DDAH1: variants seen among roughly 807,000 people sequenced by gnomAD.
DDAH1 encodes dimethylarginine dimethylaminohydrolase 1.
In DDAH1, 19 loss-of-function variants were observed where a neutral mutation model predicts 28.8. The ratio of observed to expected loss-of-function variants is 0.66; its 90% CI spans 0.46 to 0.97. The LOEUF (loss-of-function observed/expected upper bound fraction) is 0.97. Ranked by LOEUF, DDAH1 falls within the 50% of genes least tolerant of loss-of-function variation. The probability of loss-of-function intolerance (pLI) is 0.00; values close to 1 mark genes in which losing one functional copy is unlikely to be tolerated. For synonymous variants in DDAH1, 153 were observed against 154.4 expected (o/e 0.99, Z 0.07); for missense variants, 326 against 375.9 (o/e 0.87, Z 1.10).
intron 1 of DDAH1, among the ~76,000 whole-genome samples, chr1:85,560,441 T>C (rs1659105499): frequency 6.6e-6 from 1 of 152,082 alleles, no homozygotes; most frequent in Non-Finnish European, 1.5e-5. Context: ...CTTTAAAAGA[T>C]AATTGAAGCA....
At chr1:85,383,741 G>A (rs190814527) in intron 1 of DDAH1, among the ~76,000 whole-genome samples, 1 of 152,216 alleles carries the variant, frequency 6.6e-6, no homozygotes, top group East Asian at 1.9e-4. Context: ...CTGATAGGTC[G>A]GCAGCCATCG....
At chr1:85,454,546 C>T (rs111307893) in intron 1 of DDAH1, among the ~76,000 whole-genome samples, 2 of 152,072 alleles carry the variant, frequency 1.3e-5, no homozygotes. Flanking sequence ...GGGATGCGGT[C>T]GATTTTTCAC....
chr1:85,381,352 T>TTTTC (rs61042709), intron 1 of DDAH1, among the ~76,000 whole-genome samples: 142,803 of 151,868 alleles, frequency 0.94, 67,244 homozygotes, highest in East Asian at 1. Flanking sequence ...GCATTGTTTC[T>TTTTC]TTTATTTCAA....
chr1:85,383,489 T>C (rs953799347), intron 1 of DDAH1, among the ~76,000 whole-genome samples: 1 of 152,202 alleles, frequency 6.6e-6, no homozygotes, highest in Non-Finnish European at 1.5e-5. Context: ...TGTGAAACAT[T>C]GTTGAAATGA....
At chr1:85,495,717 T>A (rs530819608) in intron 2 of DDAH1, 1 of 152,310 alleles carries the variant, frequency 6.6e-6, no homozygotes, top group South Asian at 2.1e-4. Context: ...GAGGTCTTCA[T>A]CAGATAAACA....
At chr1:85,408,542 T>TAA (rs1469981456) in intron 1 of DDAH1, among the ~76,000 whole-genome samples, 1 of 152,212 alleles carries the variant, frequency 6.6e-6, no homozygotes, top group East Asian at 1.9e-4. Flanking sequence ...GGAAATCTTT[T>TAA]CATACCTGTA....
chr1:85,572,865 T>C (rs1659499883), intron 1 of DDAH1, among the ~76,000 whole-genome samples: 1 of 152,250 alleles, frequency 6.6e-6, no homozygotes, highest in African/African-American at 2.4e-5. Flanking sequence ...AGTGGTTTTT[T>C]AGATAGTCAC....
Position 85,410,410 on chromosome 1 carries a change from C to T in DDAH1, c.304-51563G>A, listed in dbSNP as rs1223293352. ...ATCCCAGCACTTTGGGAGGCTGAGGCGGGTGGATCACCTGAGTTTGGGAGT... is the reference window on the plus strand; with the variant it reads ...ATCCCAGCACTTTGGGAGGCTGAGGTGGGTGGATCACCTGAGTTTGGGAGT... On this transcript the variant is annotated intron_variant, in intron 1 of 5. Transcript: ENST00000284031. Among the ~76,000 whole-genome samples, 3 of 152,266 alleles carry T rather than the reference C, an allele frequency of 2.0e-5. No individual in the cohort carries two copies. The East Asian group carries it at 5.8e-4, about 29-fold the overall frequency.
At chr1:85,478,647 A>G (rs895368737) in intron 2 of DDAH1, among the ~76,000 whole-genome samples, 1 of 152,196 alleles carries the variant, frequency 6.6e-6, no homozygotes, top group Admixed American at 6.5e-5. Context: ...AAAATTCAAG[A>G]TGATATTCGG....
chr1:85,393,988 T>C (rs539989506), intron 1 of DDAH1, among the ~76,000 whole-genome samples: 7 of 152,330 alleles, frequency 4.6e-5, no homozygotes, highest in Admixed American at 4.6e-4. Context: ...ATGTGTTATA[T>C]GTATGTGATA....
intron 1 of DDAH1, among the ~76,000 whole-genome samples, chr1:85,444,944 G>A (rs1024332639): frequency 2.0e-5 from 3 of 152,126 alleles, no homozygotes; most frequent in Non-Finnish European, 4.4e-5. Context: ...GTAGGCTGAG[G>A]AGCAAGGAGA....
At chr1:85,382,716 GT>G (rs1297519664) in intron 1 of DDAH1, among the ~76,000 whole-genome samples, 1 of 152,192 alleles carries the variant, frequency 6.6e-6, no homozygotes, top group Non-Finnish European at 1.5e-5. Context: ...TGACTCTCTT[GT>G]TAGAGGTTAA....
chr1:85,324,665 A>G (rs2100787273), intron 5 of DDAH1, 75 bp downstream of exon 5: 1 of 1,546,086 alleles, frequency 6.5e-7, no homozygotes, highest in Non-Finnish European at 8.9e-7. Flanking sequence ...GGAGGCTCCT[A>G]TTGGTCACTC....
intron 2 of DDAH1, among the ~76,000 whole-genome samples, chr1:85,355,069 T>A (rs1363527401): frequency 6.6e-6 from 1 of 152,128 alleles, no homozygotes; most frequent in East Asian, 1.9e-4. Context: ...AATGAAAAGA[T>A]AATATAGCTA....
At chr1:85,457,385 T>TGA (rs1464845563) in intron 1 of DDAH1, among the ~76,000 whole-genome samples, 1 of 152,132 alleles carries the variant, frequency 6.6e-6, no homozygotes, top group Non-Finnish European at 1.5e-5. Context: ...GGCACTGGGC[T>TGA]GAGGTCTGTC....
chr1:85,577,303 C>T (rs1659642108), intron 1 of DDAH1, among the ~76,000 whole-genome samples: 1 of 152,218 alleles, frequency 6.6e-6, no homozygotes, highest in Non-Finnish European at 1.5e-5. Flanking sequence ...CTGGGGCTCT[C>T]CTGGCTGTCA....
chr1:85,335,121 C>A (rs1648024939), intron 4 of DDAH1, among the ~76,000 whole-genome samples: 1 of 152,090 alleles, frequency 6.6e-6, no homozygotes, highest in African/African-American at 2.4e-5. Context: ...AGAGCAAACA[C>A]ACGAATGAGG....
chr1:85,524,410 C>A (rs1250894182), intron 1 of DDAH1, among the ~76,000 whole-genome samples: 2 of 150,138 alleles, frequency 1.3e-5, no homozygotes, highest in Admixed American at 6.7e-5. Flanking sequence ...TTTTGCTTAA[C>A]CCTGGTTGTA....
chr1:85,368,582 A>G (rs1650204050), intron 1 of DDAH1, among the ~76,000 whole-genome samples: 2 of 152,186 alleles, frequency 1.3e-5, no homozygotes. Context: ...TGTTGACGAT[A>G]ATGATACAAT....
Sources: gnomAD v4.1 joint callset for allele counts (sites outside exome capture counted in the v4.1 genomes callset) on GRCh38, gnomAD v4.1.1 for gene constraint, MANE v1.5 for transcripts, NCBI Gene and HGNC (gene_info 2026-07-23, HGNC 2026-07-21) for gene names.